Variants in LIMCH1 observed in about 807,000 individuals in gnomAD.
LIMCH1 encodes LIM and calponin homology domains 1, also known as LIM and calponin homology domains-containing protein 1.
LIMCH1 carries 113 observed loss-of-function variants against 176.5 expected under a neutral mutation model. The observed-to-expected ratio is 0.64, with a 90% CI of 0.55 to 0.75. The LOEUF is 0.75. Among genes scored for constraint, LIMCH1 ranks in the 30% least tolerant of loss-of-function variants. LIMCH1 has a pLI of 0.00. For missense variants in LIMCH1, 1,674 were observed against 1,814.9 expected (o/e 0.92, Z 1.41); for synonymous variants, 619 against 645.9 (o/e 0.96, Z 0.63).
intron 30 of LIMCH1, among the ~76,000 whole-genome samples, chr4:41,691,750 G>A (rs1442140914): frequency 4.6e-5 from 7 of 152,114 alleles, no homozygotes; most frequent in African/African-American, 1.4e-4. Context: ...CCTACAGAGC[G>A]AGACACTGTC....
At chr4:41,627,739 T>G (rs1376233401) in intron 8 of LIMCH1, among the ~76,000 whole-genome samples, 3 of 152,228 alleles carry the variant, frequency 2.0e-5, no homozygotes, top group Non-Finnish European at 2.9e-5. Context: ...ATGATTTCAT[T>G]TAGGGAACCT....
chr4:41,428,964 T>C (rs888960166), intron 1 of LIMCH1, among the ~76,000 whole-genome samples: 2 of 152,210 alleles, frequency 1.3e-5, no homozygotes, highest in Admixed American at 6.5e-5. Flanking sequence ...CCTTCTTACT[T>C]TTTTTCTGAC....
At chr4:41,546,897 T>G (rs2152496624) in intron 1 of LIMCH1, among the ~76,000 whole-genome samples, 1 of 152,194 alleles carries the variant, frequency 6.6e-6, no homozygotes, top group Non-Finnish European at 1.5e-5. Context: ...GAGACCGAGA[T>G]TGAGACAGAG....
chr4:41,513,986 A>T (rs1457719155), intron 2 of LIMCH1, among the ~76,000 whole-genome samples: 3 of 123,704 alleles, frequency 2.4e-5, no homozygotes, highest in Non-Finnish European at 4.8e-5. Context: ...AGCCTGGGTG[A>T]TAGAGAGAGA....
chr4:41,592,627 G>T (rs1035457458), intron 1 of LIMCH1, among the ~76,000 whole-genome samples: 5 of 152,134 alleles, frequency 3.3e-5, no homozygotes, highest in Admixed American at 6.5e-5. Context: ...CAGACAATGA[G>T]TGCCCAGAAG....
At chr4:41,556,513 A>G (rs1161874854) in intron 1 of LIMCH1, among the ~76,000 whole-genome samples, 1 of 152,004 alleles carries the variant, frequency 6.6e-6, no homozygotes, top group Non-Finnish European at 1.5e-5. Flanking sequence ...TAAATTAGCT[A>G]CAAGTTTTTG....
intron 1 of LIMCH1, among the ~76,000 whole-genome samples, chr4:41,482,895 T>TA (rs754742096): frequency 2.2e-4 from 33 of 152,170 alleles, no homozygotes; most frequent in Non-Finnish European, 4.3e-4. Context: ...TGATTTAGCT[T>TA]ATGCTGGGGG....
chr4:41,696,551 CA>C (rs1730801777), intron 31 of LIMCH1, among the ~76,000 whole-genome samples: 1 of 152,132 alleles, frequency 6.6e-6, no homozygotes, highest in African/African-American at 2.4e-5. Flanking sequence ...ATAAACAATA[CA>C]TTTTTTAAGT....
chr4:41,662,035 T>C (rs2152981356), intron 19 of LIMCH1: 2 of 228,744 alleles, frequency 8.7e-6, no homozygotes, highest in Non-Finnish European at 1.8e-5. Context: ...CTTATCAATA[T>C]GTTTAACACT....
rs192016301 is a variant in LIMCH1 at position 41,689,320 on chromosome 4, C to T, written c.4167-207C>T. On this transcript the variant is annotated intron_variant, in intron 29 of 31. Coordinates refer to ENST00000503057, the MANE Select transcript of LIMCH1 (RefSeq NM_001330672.2). ...ACCAGATTCAGTACCACAGTGGAGA[C>T]CCAGTATATTTAGTCTGGCAGTTGT... Among the ~76,000 whole-genome samples the T allele has an allele frequency of 1.8e-3, 279 of 152,204 alleles. 1 individual carries two copies. The highest frequency in any genetic ancestry group is 6.3e-3 in the African/African-American group (260 of 41,548).
Position 41,613,525 on chromosome 4 carries a change from C to T in LIMCH1, c.69C>T (p.Cys23=). 1 of 1,614,082 alleles carries T rather than the reference C, an allele frequency of 6.2e-7. No homozygotes were observed. ...RSIRDSGYID[C]WDSERSDSLS... ...TCCGAGACAGTGGCTACATCGACTG[C>T]TGGGATTCCGAGCGCAGCGACTCCC... The change falls in exon 5 of 32, where the codon TGC becomes TGT. Residue 23 remains cysteine, a synonymous_variant. Transcript: ENST00000503057.
intron 1 of LIMCH1, among the ~76,000 whole-genome samples, chr4:41,563,958 G>C (rs772529378): frequency 2.6e-5 from 4 of 152,110 alleles, no homozygotes; most frequent in Non-Finnish European, 5.9e-5. Context: ...CTCCATCCTA[G>C]AGCAGGAGGA....
At chr4:41,480,121 C>T (rs1261287597) in intron 1 of LIMCH1, among the ~76,000 whole-genome samples, 1 of 151,924 alleles carries the variant, frequency 6.6e-6, no homozygotes, top group Non-Finnish European at 1.5e-5. Context: ...CCATGATTTC[C>T]AACCTACAGG....
At chr4:41,567,656 TAGAC>T (rs1020409572) in intron 1 of LIMCH1, among the ~76,000 whole-genome samples, 22 of 152,190 alleles carry the variant, frequency 1.4e-4, no homozygotes, top group Admixed American at 1.1e-3. Context: ...ACCTGGGGCT[TAGAC>T]AGATTATGTA....
chr4:41,625,414 A>G (rs549090972), intron 7 of LIMCH1, among the ~76,000 whole-genome samples: 10 of 152,330 alleles, frequency 6.6e-5, no homozygotes, highest in East Asian at 1.9e-4. Flanking sequence ...AATCCTACAT[A>G]TCTACCTTAT....
intron 14 of LIMCH1, among the ~76,000 whole-genome samples, chr4:41,639,757 A>G (rs1472278571): frequency 2.0e-5 from 3 of 152,164 alleles, no homozygotes; most frequent in African/African-American, 4.8e-5. Context: ...GATTCAAGTA[A>G]TTTGTATTTG....
chr4:41,631,481 T>C lies in LIMCH1; in HGVS notation c.1601+4T>C, dbSNP rs1193321645. On this transcript the variant is annotated splice_donor_region_variant and intron_variant, in intron 10 of 31. Coordinates refer to ENST00000503057, the MANE Select transcript of LIMCH1 (RefSeq NM_001330672.2). The stretch of plus-strand genomic sequence containing the variant: ...TTAATCGACAAAATGACTGCAGGTA[T>C]TTTTTGCCATACGTGTGCAAGGATA... 3 of 1,500,398 alleles carry C rather than the reference T, an allele frequency of 2.0e-6. No homozygotes were observed. The highest frequency in any genetic ancestry group is 2.7e-6 in the Non-Finnish European group (3 of 1,130,264). 92.9% of individuals were successfully genotyped at this position (1,500,398 alleles called of 1,614,324 possible).
At chr4:41,639,723 A>G (rs7663160) in intron 14 of LIMCH1, among the ~76,000 whole-genome samples, 1 of 151,650 alleles carries the variant, frequency 6.6e-6, no homozygotes, top group Non-Finnish European at 1.5e-5. Context: ...ACTTTTTTTT[A>G]TTTGCAAAAT....
chr4:41,384,208 TTC>T (rs932250955), intron 1 of LIMCH1, among the ~76,000 whole-genome samples: 1 of 150,448 alleles, frequency 6.6e-6, no homozygotes, highest in Non-Finnish European at 1.5e-5. Flanking sequence ...ACATCCTGCT[TTC>T]TTTTTTTTTT....
Sources: allele counts gnomAD v4.1 joint callset (sites outside exome capture counted in the v4.1 genomes callset), GRCh38; gene constraint gnomAD v4.1.1; transcripts MANE v1.5; gene names NCBI Gene and HGNC (gene_info 2026-07-23, HGNC 2026-07-21).